Variants in XRN2 observed in about 807,000 individuals in gnomAD.
XRN2 encodes the protein 5'-3' exoribonuclease 2.
XRN2 carries 44 observed loss-of-function variants against 138.5 expected under a neutral mutation model. That is an observed-to-expected ratio of 0.32 (90% confidence interval 0.25 to 0.41). The LOEUF (loss-of-function observed/expected upper bound fraction) is 0.41. Ranked by LOEUF, XRN2 falls within the 10% of genes least tolerant of loss-of-function variation. XRN2 has a pLI of 1.00. For synonymous variants in XRN2, 354 were observed against 369.4 expected (o/e 0.96, Z 0.48); for missense variants, 937 against 1,169.3 (o/e 0.80, Z 2.90).
intron 23 of XRN2, among the ~76,000 whole-genome samples, 174 bp downstream of exon 23, chr20:21,356,839 G>T (rs2038581353): frequency 6.6e-6 from 1 of 152,158 alleles, no homozygotes; most frequent in African/African-American, 2.4e-5. Context: ...CTTCAAAGTA[G>T]CTGTGTCACC....
intron 21 of XRN2, 73 bp downstream of exon 21, chr20:21,354,945 T>G (rs1013739048): frequency 5.0e-5 from 59 of 1,190,386 alleles, no homozygotes; most frequent in Non-Finnish European, 6.5e-5. Context: ...AAATTAGACC[T>G]TCCTTCTCCT....
intron 1 of XRN2, among the ~76,000 whole-genome samples, chr20:21,305,075 A>G (rs756555076): frequency 3.5e-4 from 53 of 152,270 alleles, no homozygotes; most frequent in Middle Eastern, 6.8e-3. Context: ...TTTACCAGGT[A>G]GTCTATCAAG....
intron 20 of XRN2, among the ~76,000 whole-genome samples, chr20:21,353,917 A>G (rs2038544730): frequency 6.6e-6 from 1 of 152,224 alleles, no homozygotes; most frequent in South Asian, 2.1e-4. Flanking sequence ...TTTAAAGGGA[A>G]TAATCACAAA....
chr20:21,384,164 A>G (rs2038913728), intron 28 of XRN2, among the ~76,000 whole-genome samples: 3 of 152,236 alleles, frequency 2.0e-5, no homozygotes, highest in Admixed American at 1.3e-4. Flanking sequence ...ACACAGACAC[A>G]GCCTAGAGTT....
chr20:21,329,142 C>G (rs754486658), intron 4 of XRN2, among the ~76,000 whole-genome samples: 9 of 152,098 alleles, frequency 5.9e-5, no homozygotes, highest in Non-Finnish European at 1.3e-4. Flanking sequence ...CAGGCTGTTG[C>G]CAAGTCATTT....
At chr20:21,313,660 G>A (rs1402110026) in intron 1 of XRN2, among the ~76,000 whole-genome samples, 1 of 152,228 alleles carries the variant, frequency 6.6e-6, no homozygotes, top group African/African-American at 2.4e-5. Context: ...AGTAAAGGCA[G>A]AGATGTTTTT....
At chr20:21,343,068 C>T (rs1440939503) in intron 15 of XRN2, among the ~76,000 whole-genome samples, 2 of 151,966 alleles carry the variant, frequency 1.3e-5, no homozygotes, top group Non-Finnish European at 2.9e-5. Context: ...GTGGTATGAA[C>T]TGTGTTTATG....
At chr20:21,375,582 T>C (rs1435476271) in intron 27 of XRN2, among the ~76,000 whole-genome samples, 1 of 151,760 alleles carries the variant, frequency 6.6e-6, no homozygotes, top group Non-Finnish European at 1.5e-5. Flanking sequence ...TTGCTTAATT[T>C]TTTTTTTAAT....
At chr20:21,339,869 G>A (rs2038348830) in intron 14 of XRN2, among the ~76,000 whole-genome samples, 1 of 152,104 alleles carries the variant, frequency 6.6e-6, no homozygotes, top group Admixed American at 6.6e-5. Flanking sequence ...AGCTTGTGGA[G>A]TTTAGGGACT....
rs1307176318 is a variant in XRN2, at chr20:21,365,805, TATA to T, written c.2456+105_2456+107del. The T allele has an allele frequency of 2.2e-3, 70 of 32,182 alleles. 1 individual carries two copies. The highest frequency in any genetic ancestry group is 0.022 in the Middle Eastern group (1 of 46). The allele number at this position is 32,182 out of a possible 1,614,324, so 2.0% of individuals were successfully genotyped here. On this transcript the variant is annotated intron_variant, in intron 26 of 29. Coordinates refer to ENST00000377191, the MANE Select transcript of XRN2 (RefSeq NM_012255.5). The stretch of plus-strand genomic sequence containing the variant: ...CATATATATAAATTTATGCCATATA[TATA>T]ATATATGATTATATATTATATATAT...
At chr20:21,384,566 C>G (rs546837623) in intron 28 of XRN2, among the ~76,000 whole-genome samples, 1 of 152,318 alleles carries the variant, frequency 6.6e-6, no homozygotes, top group Non-Finnish European at 1.5e-5. Flanking sequence ...TCTTGGCTCA[C>G]TGCAGCTTCT....
intron 1 of XRN2, among the ~76,000 whole-genome samples, chr20:21,311,897 G>A (rs1340433592): frequency 6.6e-6 from 1 of 152,058 alleles, no homozygotes; most frequent in Non-Finnish European, 1.5e-5. Context: ...TCAGGAGGCT[G>A]AGGCACAAAA....
chr20:21,326,451 A>G lies in XRN2; in HGVS notation c.204-39A>G, dbSNP rs940733192. 9 of 1,613,630 alleles carry G rather than the reference A, an allele frequency of 5.6e-6. No individual in the cohort carries two copies. In the African/African-American group the frequency reaches 6.7e-5, roughly 12 times the overall value. ...CACTGATATAGCAAATCACAGAGGA[A>G]ACATTATATTATATTACATTGTTTG... On this transcript the variant is annotated intron_variant, in intron 2 of 29. Coordinates refer to ENST00000377191, the MANE Select transcript of XRN2 (RefSeq NM_012255.5).
intron 15 of XRN2, 93 bp from the exon 16 acceptor site, chr20:21,343,997 T>C: frequency 2.3e-6 from 2 of 875,806 alleles, no homozygotes; most frequent in South Asian, 3.2e-5. Flanking sequence ...AAAATGTTAC[T>C]GTGAAACATG....
At chr20:21,370,267 A>G (rs2122324060) in intron 27 of XRN2, among the ~76,000 whole-genome samples, 1 of 152,316 alleles carries the variant, frequency 6.6e-6, no homozygotes, top group South Asian at 2.1e-4. Context: ...GCTCTGTAGT[A>G]TAATTTGAAG....
chr20:21,375,808 GTTTTTATTTATTTATTTAT>G (rs1441685009), intron 27 of XRN2, among the ~76,000 whole-genome samples: 10 of 147,706 alleles, frequency 6.8e-5, no homozygotes, highest in East Asian at 2.0e-4. Flanking sequence ...AATACCAGGT[GTTTTTATTTATTTATTTAT>G]TTTTTATTTA....
intron 27 of XRN2, among the ~76,000 whole-genome samples, chr20:21,379,613 A>G (rs907896161): frequency 1.3e-5 from 2 of 152,214 alleles, no homozygotes; most frequent in Admixed American, 1.3e-4. Flanking sequence ...TAGAAAATGG[A>G]AAATAGAGAG....
rs115749456 is a variant in XRN2 at position 21,312,383 on chromosome 20, C to T, written c.75+8910C>T. ...TCCTGGAATTACAGGTGTGAGCCACCGTGCCCGGCCTTAGGTTGTGTTTTT... is the reference window on the plus strand; with the variant it reads ...TCCTGGAATTACAGGTGTGAGCCACTGTGCCCGGCCTTAGGTTGTGTTTTT... On this transcript the variant is annotated intron_variant, in intron 1 of 29. Transcript: ENST00000377191. Among the ~76,000 whole-genome samples the T allele has an allele frequency of 3.8e-3, 586 of 152,208 alleles. 2 individuals are homozygous for T. The highest frequency in any genetic ancestry group is 5.2e-3 in the Non-Finnish European group (356 of 68,014).
chr20:21,337,236 G>T (rs2038307945), intron 13 of XRN2, among the ~76,000 whole-genome samples: 1 of 152,214 alleles, frequency 6.6e-6, no homozygotes, highest in African/African-American at 2.4e-5. Flanking sequence ...CCCCAGGCCA[G>T]TGAGGAGCCT....
Sources: gnomAD v4.1 joint callset for allele counts (sites outside exome capture counted in the v4.1 genomes callset) on GRCh38, gnomAD v4.1.1 for gene constraint, MANE v1.5 for transcripts, NCBI Gene and HGNC (gene_info 2026-07-23, HGNC 2026-07-21) for gene names.